The following THSD7B variants were observed in gnomAD, a reference collection of about 807,000 sequenced individuals.
The protein encoded by THSD7B is thrombospondin type 1 domain containing 7B, also known as thrombospondin type-1 domain-containing protein 7B.
Under a neutral mutation model 213.6 loss-of-function variants are expected in THSD7B, and 138 were observed. The observed-to-expected ratio is 0.65, with a 90% CI of 0.56 to 0.74. The LOEUF is 0.74. Among genes scored for constraint, THSD7B ranks in the 30% least tolerant of loss-of-function variants. THSD7B has a pLI of 0.00. For missense variants in THSD7B, 1,931 were observed against 1,991.5 expected (o/e 0.97, Z 0.58); for synonymous variants, 742 against 687.0 (o/e 1.08, Z -1.25).
chr2:136,977,622 A>C (rs185504193), intron 2 of THSD7B, among the ~76,000 whole-genome samples: 178 of 152,154 alleles, frequency 1.2e-3, no homozygotes, highest in African/African-American at 4.0e-3. Context: ...CCCTCTTAAC[A>C]CTGCTTTTGG....
chr2:136,769,909 G>C (rs1573630285), intron 1 of THSD7B, among the ~76,000 whole-genome samples: 1 of 152,164 alleles, frequency 6.6e-6, no homozygotes, highest in South Asian at 2.1e-4. Context: ...TTTTGATTTT[G>C]CCTTTCTGGG....
At chr2:136,954,714 C>CAAAAAAAAAAAAAAAAAAAAAAAAA (rs11378111) in intron 2 of THSD7B, among the ~76,000 whole-genome samples, 8 of 89,398 alleles carry the variant, frequency 8.9e-5, no homozygotes, top group African/African-American at 3.9e-4. Context: ...GACTCTGTCT[C>CAAAAAAAAAAAAAAAAAAAAAAAAA]AAAAAAAAAA....
intron 2 of THSD7B, among the ~76,000 whole-genome samples, chr2:136,994,296 G>T (rs1222398212): frequency 6.6e-6 from 1 of 152,236 alleles, no homozygotes; most frequent in Non-Finnish European, 1.5e-5. Flanking sequence ...GCCGGGCGCG[G>T]TGGCTCACGC....
At chr2:137,502,497 G>A (rs1679734259) in intron 15 of THSD7B, among the ~76,000 whole-genome samples, 1 of 152,202 alleles carries the variant, frequency 6.6e-6, no homozygotes, top group African/African-American at 2.4e-5. Flanking sequence ...AAAATCTCAA[G>A]GGTGAAATGA....
intron 12 of THSD7B, among the ~76,000 whole-genome samples, chr2:137,336,420 G>A (rs1246218292): frequency 6.6e-6 from 1 of 152,148 alleles, no homozygotes; most frequent in African/African-American, 2.4e-5. Flanking sequence ...CAGTGAACGA[G>A]ATTTTGCAGT....
Position 137,360,539 on chromosome 2 carries a change from C to G in THSD7B, c.2501-45074C>G, listed in dbSNP as rs965925917. Among the ~76,000 whole-genome samples, 6 of 152,268 alleles carry G rather than the reference C, an allele frequency of 3.9e-5. No homozygotes were observed. In the South Asian group the frequency reaches 1.2e-3, roughly 32 times the overall value. On this transcript the variant is annotated intron_variant, in intron 12 of 27. Transcript: ENST00000409968. ...TACTGCACTATTCCAAAGGGCTTAGCAAACAGCACACCAGGAGATTATATC... is the reference window on the plus strand; with the variant it reads ...TACTGCACTATTCCAAAGGGCTTAGGAAACAGCACACCAGGAGATTATATC...
At position 137,404,508 on chromosome 2, in the gene THSD7B, T is replaced by C. The variant is rs13429954; in HGVS notation, c.2501-1105T>C. ...ACACACACACACACACACACACACA[T>C]ATATGTATATACACACACAATATAT... is the stretch of plus-strand genomic sequence containing the variant. On this transcript the variant is annotated intron_variant, in intron 12 of 27. Coordinates refer to ENST00000409968, the MANE Select transcript of THSD7B (RefSeq NM_001316349.2). Among the ~76,000 whole-genome samples, 429 of 102,122 alleles carry C rather than the reference T, an allele frequency of 4.2e-3. 1 individual carries two copies. Among genetic ancestry groups the C allele is most frequent in the Middle Eastern group, 0.026 (5 of 196 alleles). The allele number at this position is 102,122 out of a possible 152,430, so 67.0% of individuals were successfully genotyped here.
At chr2:137,379,341 A>G (rs1223224104) in intron 12 of THSD7B, among the ~76,000 whole-genome samples, 1 of 152,240 alleles carries the variant, frequency 6.6e-6, no homozygotes, top group East Asian at 1.9e-4. Context: ...TATGGTACTT[A>G]CGAGTCAATT....
intron 2 of THSD7B, among the ~76,000 whole-genome samples, chr2:136,921,018 G>A (rs754539738): frequency 2.3e-4 from 35 of 152,196 alleles, no homozygotes; most frequent in Middle Eastern, 3.4e-3. Context: ...GGATGCCAGG[G>A]TCTGGAGCTG....
intron 5 of THSD7B, among the ~76,000 whole-genome samples, chr2:137,125,227 A>G (rs577500643): frequency 4.6e-5 from 7 of 152,338 alleles, no homozygotes; most frequent in South Asian, 4.1e-4. Flanking sequence ...ATTTCTCTGT[A>G]GCATGAGAGG....
chr2:136,796,116 T>C (rs1682058565), intron 1 of THSD7B, among the ~76,000 whole-genome samples: 1 of 152,018 alleles, frequency 6.6e-6, no homozygotes, highest in Non-Finnish European at 1.5e-5. Context: ...GATTTTTTTT[T>C]TTTAGGTATG....
chr2:137,639,190 TC>T (rs1396630621), intron 20 of THSD7B, among the ~76,000 whole-genome samples: 1 of 152,044 alleles, frequency 6.6e-6, no homozygotes, highest in Non-Finnish European at 1.5e-5. Flanking sequence ...TTTGTGGGCC[TC>T]GGGACTTGGT....
At chr2:137,662,881 C>G (rs1462463081) in intron 25 of THSD7B, among the ~76,000 whole-genome samples, 1 of 151,800 alleles carries the variant, frequency 6.6e-6, no homozygotes, top group African/African-American at 2.4e-5. Flanking sequence ...ATGGTGAAAC[C>G]CTGTTTCTAT....
chr2:137,505,157 G>A (rs1374662911), intron 15 of THSD7B, among the ~76,000 whole-genome samples: 1 of 152,214 alleles, frequency 6.6e-6, no homozygotes, highest in South Asian at 2.1e-4. Flanking sequence ...TCCCAAGAAG[G>A]GGCCTGCTTT....
intron 2 of THSD7B, among the ~76,000 whole-genome samples, chr2:137,005,603 A>G (rs532579592): frequency 6.6e-6 from 1 of 152,324 alleles, no homozygotes; most frequent in Non-Finnish European, 1.5e-5. Flanking sequence ...TACTTCTGCA[A>G]TTGCCAAGTT....
intron 7 of THSD7B, among the ~76,000 whole-genome samples, chr2:137,175,404 T>C (rs1387986605): frequency 2.0e-5 from 3 of 152,208 alleles, no homozygotes; most frequent in Middle Eastern, 3.2e-3. Flanking sequence ...AAAGTTCACA[T>C]GTTGAGAGGC....
chr2:136,995,091 T>C (rs1685858933), intron 2 of THSD7B, among the ~76,000 whole-genome samples: 1 of 152,158 alleles, frequency 6.6e-6, no homozygotes. Context: ...CAAACATCTC[T>C]TGTGATTCAA....
intron 1 of THSD7B, among the ~76,000 whole-genome samples, chr2:136,781,310 GCTGGAATGCAATGGC>G (rs1302144164): frequency 2.0e-5 from 3 of 147,410 alleles, no homozygotes; most frequent in Non-Finnish European, 4.4e-5. Context: ...TGTCACCCAG[GCTGGAATGCAATGGC>G]CTGATCTCGG....
At chr2:137,629,024 A>G (rs942873920) in intron 20 of THSD7B, among the ~76,000 whole-genome samples, 2 of 152,228 alleles carry the variant, frequency 1.3e-5, no homozygotes, top group East Asian at 1.9e-4. Flanking sequence ...CTAAGGGGCC[A>G]GTGACCCTGT....
Sources: allele counts gnomAD v4.1 joint callset (sites outside exome capture counted in the v4.1 genomes callset), GRCh38; gene constraint gnomAD v4.1.1; transcripts MANE v1.5; gene names NCBI Gene and HGNC (gene_info 2026-07-23, HGNC 2026-07-21).